The following ATP10B variants were observed in gnomAD, a reference collection of about 807,000 sequenced individuals.
ATP10B encodes phospholipid-transporting ATPase VB.
In ATP10B, 122 loss-of-function variants were observed where a neutral mutation model predicts 141.2. The observed-to-expected ratio is 0.86, with a 90% CI of 0.75 to 1.00. The LOEUF (loss-of-function observed/expected upper bound fraction) is 1.00, where lower values mean the gene tolerates loss of function less well. ATP10B is among the 50% of genes least tolerant of loss of function. The probability of loss-of-function intolerance (pLI) is 0.00; values close to 1 mark genes in which losing one functional copy is unlikely to be tolerated. For missense variants in ATP10B, 1,876 were observed against 1,825.3 expected (o/e 1.03, Z -0.51); for synonymous variants, 685 against 692.0 (o/e 0.99, Z 0.16).
chr5:160,699,356 T>C (rs1023717), intron 3 of ATP10B, among the ~76,000 whole-genome samples: 152,241 of 152,316 alleles, frequency 1, 76,083 homozygotes, highest in Middle Eastern at 1. Flanking sequence ...TAAATAAATC[T>C]CTCACAGAAG....
At chr5:160,853,646 TAG>T (rs1238562116), upstream of ATP10B, among the ~76,000 whole-genome samples, 11 of 152,152 alleles carry the variant, frequency 7.2e-5, no homozygotes, top group Non-Finnish European at 1.5e-4. Flanking sequence ...AACCAATGAA[TAG>T]AGAGTCCTCA....
intron 2 of ATP10B, among the ~76,000 whole-genome samples, chr5:160,726,946 G>C (rs995286216): frequency 1.7e-4 from 26 of 152,204 alleles, no homozygotes; most frequent in African/African-American, 6.0e-4. Flanking sequence ...CCCGGGGGTG[G>C]GGTGGGGGAC....
intron 2 of ATP10B, among the ~76,000 whole-genome samples, chr5:160,725,895 A>AT (rs1211849063): frequency 2.0e-5 from 3 of 152,056 alleles, no homozygotes; most frequent in Non-Finnish European, 1.5e-5. Flanking sequence ...CTGAACCAAA[A>AT]TTTTTTTGTT....
chr5:160,823,819 G>C (rs1774361406), intron 1 of ATP10B, among the ~76,000 whole-genome samples: 1 of 152,036 alleles, frequency 6.6e-6, no homozygotes, highest in East Asian at 1.9e-4. Flanking sequence ...GGGCGACAGA[G>C]TGAGACTCCG....
intron 7 of ATP10B, among the ~76,000 whole-genome samples, chr5:160,652,762 A>G (rs1209806949): frequency 9.1e-6 from 1 of 109,398 alleles, no homozygotes; most frequent in Non-Finnish European, 1.7e-5. Flanking sequence ...TGTACATATT[A>G]TATACATAAA....
chr5:160,910,892 G>T, the ATP10B span, among the ~76,000 whole-genome samples: 1 of 152,168 alleles, frequency 6.6e-6, no homozygotes, highest in Non-Finnish European at 1.5e-5. Flanking sequence ...GGGGCCTGGG[G>T]TGAGAAGATC....
intron 1 of ATP10B, among the ~76,000 whole-genome samples, chr5:160,848,212 C>G (rs1022866568): frequency 6.6e-6 from 1 of 152,100 alleles, no homozygotes; most frequent in Non-Finnish European, 1.5e-5. Flanking sequence ...AACAGAAATG[C>G]TATTGAGAAG....
intron 7 of ATP10B, among the ~76,000 whole-genome samples, chr5:160,653,625 T>TAC (rs1761145084): frequency 3.9e-5 from 3 of 76,394 alleles, no homozygotes; most frequent in African/African-American, 1.6e-4. Context: ...ATATATATTA[T>TAC]ATATACATAT....
chr5:160,657,324 A>G (rs1761581311), intron 7 of ATP10B, among the ~76,000 whole-genome samples: 1 of 152,222 alleles, frequency 6.6e-6, no homozygotes, highest in Non-Finnish European at 1.5e-5. Flanking sequence ...AACTAATGAC[A>G]GTTACCAGCA....
At chr5:160,789,375 A>G (rs1771404032) in intron 1 of ATP10B, among the ~76,000 whole-genome samples, 1 of 152,200 alleles carries the variant, frequency 6.6e-6, no homozygotes, top group Non-Finnish European at 1.5e-5. Flanking sequence ...AGCCTACTCT[A>G]CGCCTAGGCT....
At chr5:160,596,681 C>A (rs867694532) in intron 22 of ATP10B, among the ~76,000 whole-genome samples, 1 of 151,672 alleles carries the variant, frequency 6.6e-6, no homozygotes, top group Non-Finnish European at 1.5e-5. Context: ...AGCTGATAAG[C>A]AACTTCAGCA....
intron 2 of ATP10B, among the ~76,000 whole-genome samples, chr5:160,727,633 G>A (rs1161755636): frequency 1.3e-5 from 2 of 151,926 alleles, no homozygotes; most frequent in Admixed American, 1.3e-4. Flanking sequence ...TGGGTCCCAC[G>A]GTATCAGCTC....
intron 12 of ATP10B, chr5:160,634,095 C>T: frequency 1.7e-6 from 1 of 583,254 alleles, no homozygotes; most frequent in South Asian, 1.8e-5. Flanking sequence ...AGTGCTTTGT[C>T]TGGCACCAGA....
chr5:160,669,394 C>T (rs560677185), intron 7 of ATP10B, among the ~76,000 whole-genome samples: 5 of 152,212 alleles, frequency 3.3e-5, no homozygotes, highest in South Asian at 2.1e-4. Flanking sequence ...TGTGAGAGGA[C>T]GGTAACTTGC....
chr5:160,616,721 G>C (rs1758020271), intron 16 of ATP10B, among the ~76,000 whole-genome samples: 2 of 152,210 alleles, frequency 1.3e-5, no homozygotes, highest in African/African-American at 4.8e-5. Context: ...TATTCCCTGA[G>C]TCCCTCTGCA....
At chr5:160,645,675 C>T (rs1760228871) in intron 8 of ATP10B, among the ~76,000 whole-genome samples, 1 of 152,178 alleles carries the variant, frequency 6.6e-6, no homozygotes, top group African/African-American at 2.4e-5. Context: ...TGATGCCGTT[C>T]CTTTGAGATT....
intron 7 of ATP10B, among the ~76,000 whole-genome samples, chr5:160,653,742 AT>A (rs1171335247): frequency 2.6e-5 from 3 of 113,898 alleles, no homozygotes; most frequent in African/African-American, 6.5e-5. Context: ...ATATACATAT[AT>A]TACATATACA....
chr5:160,637,667 T>C (rs536575531), intron 10 of ATP10B, among the ~76,000 whole-genome samples: 1 of 152,320 alleles, frequency 6.6e-6, no homozygotes, highest in East Asian at 1.9e-4. Context: ...AGTGTTCTTG[T>C]CTGTTAAATA....
chr5:160,644,013 T>C (rs1017960720), intron 9 of ATP10B, 125 bp downstream of exon 9: 1 of 742,882 alleles, frequency 1.3e-6, no homozygotes, highest in Non-Finnish European at 2.3e-6. Context: ...AGTTGAGAAA[T>C]GGGAAGTTAC....
Sources: allele counts gnomAD v4.1 joint callset (sites outside exome capture counted in the v4.1 genomes callset), GRCh38; gene constraint gnomAD v4.1.1; transcripts MANE v1.5; gene names NCBI Gene and HGNC (gene_info 2026-07-23, HGNC 2026-07-21).